The following PRKN variants were observed in gnomAD, a reference collection of about 807,000 sequenced individuals.
The protein encoded by PRKN is parkin RBR E3 ubiquitin protein ligase, also known as E3 ubiquitin-protein ligase parkin.
A neutral mutation model predicts 59.5 loss-of-function variants in PRKN; 56 were observed. The observed-to-expected ratio is 0.94, with a 90% confidence interval of 0.76 to 1.18. The LOEUF is 1.18. Among genes scored for constraint, PRKN ranks in the 50% most tolerant of loss-of-function variants. The pLI is 0.00. For missense variants in PRKN, 657 were observed against 596.4 expected (o/e 1.10, Z -1.06); for synonymous variants, 250 against 222.1 (o/e 1.13, Z -1.12).
At chr6:162,157,915 G>A (rs1369579760) in intron 4 of PRKN, among the ~76,000 whole-genome samples, 1 of 151,830 alleles carries the variant, frequency 6.6e-6, no homozygotes, top group Non-Finnish European at 1.5e-5. Context: ...TCAGTCCTCT[G>A]GTCTCAACAT....
chr6:162,024,994 T>C (rs1387642011), intron 5 of PRKN, among the ~76,000 whole-genome samples: 3 of 151,926 alleles, frequency 2.0e-5, no homozygotes, highest in Admixed American at 6.6e-5. Context: ...GTTTCTATGT[T>C]GTGTTCATGT....
chr6:162,606,305 A>G (rs763740408), intron 1 of PRKN, among the ~76,000 whole-genome samples: 1 of 152,208 alleles, frequency 6.6e-6, no homozygotes, highest in Non-Finnish European at 1.5e-5. Flanking sequence ...AGCACAGCCT[A>G]CCTTAAACAT....
intron 1 of PRKN, among the ~76,000 whole-genome samples, chr6:162,532,823 G>T (rs6941224): frequency 0.085 from 12,882 of 152,206 alleles, 701 homozygotes; most frequent in South Asian, 0.18. Context: ...TACTGTAGAC[G>T]TCACTGAAAA....
At chr6:162,709,980 A>C (rs2128238406) in intron 1 of PRKN, among the ~76,000 whole-genome samples, 1 of 152,142 alleles carries the variant, frequency 6.6e-6, no homozygotes, top group African/African-American at 2.4e-5. Context: ...TGAGTATGTA[A>C]ACGGAACCGT....
In PRKN at chr6:161,403,350, A is replaced by T. The variant is rs950732402; in HGVS notation, c.1084-16473T>A. Among the ~76,000 whole-genome samples, 3 of 152,218 alleles carry T rather than the reference A, an allele frequency of 2.0e-5. No homozygotes were observed. In the South Asian group the frequency reaches 6.2e-4, roughly 31 times the overall value. ...ACAAAAAAGCCAGATTGTTTTGATA[A>T]TAACAATGATCTAACTCCTTATTCT... On this transcript the variant is annotated intron_variant, in intron 9 of 11. Coordinates refer to ENST00000366898, the MANE Select transcript of PRKN (RefSeq NM_004562.3).
intron 6 of PRKN, among the ~76,000 whole-genome samples, chr6:161,808,998 G>A (rs1475039949): frequency 6.6e-6 from 1 of 152,016 alleles, no homozygotes; most frequent in Non-Finnish European, 1.5e-5. Context: ...GCACCACAAT[G>A]CCTGGGTAAT....
At chr6:161,728,840 T>C (rs1787558445) in intron 7 of PRKN, among the ~76,000 whole-genome samples, 1 of 152,174 alleles carries the variant, frequency 6.6e-6, no homozygotes, top group South Asian at 2.1e-4. Flanking sequence ...AGGAGCCTAA[T>C]AGCAGGAACA....
At chr6:162,453,673 T>G (rs570610864) in intron 1 of PRKN, among the ~76,000 whole-genome samples, 1 of 152,166 alleles carries the variant, frequency 6.6e-6, no homozygotes, top group Admixed American at 6.6e-5. Flanking sequence ...GAGGCTGAAG[T>G]GGGCAGATCA....
chr6:161,571,974 C>T (rs1017898967), intron 7 of PRKN, among the ~76,000 whole-genome samples: 7 of 152,214 alleles, frequency 4.6e-5, no homozygotes, highest in Non-Finnish European at 8.8e-5. Flanking sequence ...AAACCTGCTG[C>T]CCCTAGTTGT....
Position 162,279,840 on chromosome 6 carries a change from A to C in PRKN, c.172-17075T>G, listed in dbSNP as rs150440238. Reference sequence around the variant, plus strand: ...TTGTAGGCCTCTAAGAAGTTGTTTTATGAATATGGGTGCTGCTGTATTGGG... The same window carrying C: ...TTGTAGGCCTCTAAGAAGTTGTTTTCTGAATATGGGTGCTGCTGTATTGGG... On this transcript the variant is annotated intron_variant, in intron 2 of 11. Coordinates refer to ENST00000366898, the MANE Select transcript of PRKN (RefSeq NM_004562.3). 5.5e-4 allele frequency among the ~76,000 whole-genome samples: 83 copies of C among 152,258 alleles called. No individual in the cohort carries two copies. The East Asian group carries it at 0.011, about 20-fold the overall frequency.
intron 6 of PRKN, among the ~76,000 whole-genome samples, chr6:161,913,170 GAAA>G (rs762633376): frequency 1.2e-5 from 1 of 86,622 alleles, no homozygotes. Flanking sequence ...TCCATCTCAG[GAAA>G]AAAAAAAAAA....
At chr6:162,304,729 T>A (rs931034887) in intron 2 of PRKN, among the ~76,000 whole-genome samples, 1 of 150,838 alleles carries the variant, frequency 6.6e-6, no homozygotes, top group African/African-American at 2.4e-5. Flanking sequence ...CAAAAATTAC[T>A]AAATAGCTAA....
At chr6:161,975,699 G>A (rs146059117) in intron 5 of PRKN, among the ~76,000 whole-genome samples, 115 of 152,148 alleles carry the variant, frequency 7.6e-4, no homozygotes, top group African/African-American at 2.4e-3. Context: ...ATCAAGATTC[G>A]CATTTCTAAC....
intron 3 of PRKN, among the ~76,000 whole-genome samples, chr6:162,251,120 G>A (rs549414382): frequency 6.6e-6 from 1 of 151,920 alleles, no homozygotes; most frequent in African/African-American, 2.4e-5. Context: ...TTTGTCCCAG[G>A]CCTAAAATCT....
chr6:162,364,792 G>C (rs1378843171), intron 2 of PRKN, among the ~76,000 whole-genome samples: 2 of 152,120 alleles, frequency 1.3e-5, no homozygotes, highest in African/African-American at 4.8e-5. Context: ...TCCAGAATGA[G>C]CCAGAGTTCA....
intron 1 of PRKN, among the ~76,000 whole-genome samples, chr6:162,687,096 G>A (rs1476743976): frequency 1.3e-5 from 2 of 151,724 alleles, no homozygotes; most frequent in Non-Finnish European, 2.9e-5. Flanking sequence ...GATAGGAATT[G>A]CATTGAATCT....
chr6:161,625,848 C>A (rs1783065675), intron 7 of PRKN, among the ~76,000 whole-genome samples: 1 of 152,168 alleles, frequency 6.6e-6, no homozygotes, highest in African/African-American at 2.4e-5. Flanking sequence ...ATACCCTTCC[C>A]TTAGTCACAA....
intron 1 of PRKN, among the ~76,000 whole-genome samples, chr6:162,472,369 G>T (rs1791791340): frequency 8.0e-6 from 1 of 124,518 alleles, no homozygotes; most frequent in African/African-American, 3.2e-5. Flanking sequence ...CCCACCCCAA[G>T]ACAGGTGTGA....
intron 1 of PRKN, among the ~76,000 whole-genome samples, chr6:162,452,890 TAA>T (rs1790691359): frequency 1.2e-5 from 1 of 86,774 alleles, no homozygotes; most frequent in Admixed American, 1.0e-4. Context: ...AATAAATGAA[TAA>T]AAAATACGCC....
Sources: allele counts gnomAD v4.1 joint callset (sites outside exome capture counted in the v4.1 genomes callset), GRCh38; gene constraint gnomAD v4.1.1; transcripts MANE v1.5; gene names NCBI Gene and HGNC (gene_info 2026-07-23, HGNC 2026-07-21).